The following CSMD1 variants were observed in gnomAD, a reference collection of about 807,000 sequenced individuals.
CSMD1 encodes CUB and sushi domain-containing protein 1.
CSMD1 carries 213 observed loss-of-function variants against 417.5 expected under a neutral mutation model. That is an observed-to-expected ratio of 0.51 (90% CI 0.46 to 0.57). The LOEUF is 0.57. Ranked by LOEUF, CSMD1 falls within the 20% of genes least tolerant of loss-of-function variation. The pLI is 0.00. For missense variants in CSMD1, 6,923 were observed against 4,529.7 expected (o/e 1.53, Z -15.17); for synonymous variants, 2,862 against 1,736.8 (o/e 1.65, Z -16.11).
At position 4,071,343 on chromosome 8, in the gene CSMD1, C is replaced by T. The variant is rs2552123; in HGVS notation, c.416-39244G>A. Among the ~76,000 whole-genome samples, 1,159 of 152,210 alleles carry T rather than the reference C, an allele frequency of 7.6e-3. 13 individuals carry two copies. The highest frequency in any genetic ancestry group is 0.027 in the African/African-American group (1,115 of 41,530). On this transcript the variant is annotated intron_variant, in intron 3 of 69. Transcript: ENST00000635120. ...TTTCCATTGGACTAACATCATCAAGCTCCCTAACTCTTATGTCATTTTGTA... is the reference window on the plus strand; with the variant it reads ...TTTCCATTGGACTAACATCATCAAGTTCCCTAACTCTTATGTCATTTTGTA...
At chr8:4,083,868 G>A (rs1013521220) in intron 3 of CSMD1, among the ~76,000 whole-genome samples, 1 of 152,136 alleles carries the variant, frequency 6.6e-6, no homozygotes, top group South Asian at 2.1e-4. Flanking sequence ...AAGAGCTTCT[G>A]CACAGCAAAA....
At chr8:4,183,292 A>G (rs1173448391) in intron 3 of CSMD1, among the ~76,000 whole-genome samples, 1 of 152,190 alleles carries the variant, frequency 6.6e-6, no homozygotes, top group Non-Finnish European at 1.5e-5. Flanking sequence ...TATTTACACT[A>G]CAGAATCAGC....
intron 12 of CSMD1, among the ~76,000 whole-genome samples, chr8:3,447,153 C>T (rs915710541): frequency 2.0e-5 from 3 of 152,078 alleles, no homozygotes; most frequent in Admixed American, 6.6e-5. Context: ...CAAAGAGCCA[C>T]GGGCACTGAT....
At chr8:4,274,322 AG>A (rs1012896102) in intron 3 of CSMD1, among the ~76,000 whole-genome samples, 1 of 152,148 alleles carries the variant, frequency 6.6e-6, no homozygotes, top group African/African-American at 2.4e-5. Flanking sequence ...ATACGTGGGG[AG>A]GAAAAACACA....
At chr8:4,004,671 T>C (rs1381148786) in intron 4 of CSMD1, among the ~76,000 whole-genome samples, 2 of 152,194 alleles carry the variant, frequency 1.3e-5, no homozygotes, top group African/African-American at 4.8e-5. Flanking sequence ...AGTCACTTTC[T>C]TAAAAAGATT....
chr8:4,330,013 G>A lies in CSMD1; in HGVS notation c.415+89940C>T, dbSNP rs151321609. Among the ~76,000 whole-genome samples the A allele has an allele frequency of 5.3e-3, 807 of 152,210 alleles. 6 individuals carry two copies. The highest frequency in any genetic ancestry group is 0.019 in the African/African-American group (781 of 41,538). On this transcript the variant is annotated intron_variant, in intron 3 of 69. Coordinates refer to ENST00000635120, the MANE Select transcript of CSMD1 (RefSeq NM_033225.6). ...ATGCCAGCACCATGCTTCCTGTACA[G>A]CATGCAGAACTGTGAGCCAATTAAA... is the stretch of plus-strand genomic sequence containing the variant.
chr8:3,319,647 T>A (rs541368933), intron 23 of CSMD1, among the ~76,000 whole-genome samples: 1 of 152,306 alleles, frequency 6.6e-6, no homozygotes, highest in East Asian at 1.9e-4. Context: ...ATATGATTAT[T>A]TTTAAAGATG....
At chr8:4,053,922 G>T (rs974110566) in intron 3 of CSMD1, among the ~76,000 whole-genome samples, 3 of 152,152 alleles carry the variant, frequency 2.0e-5, no homozygotes, top group African/African-American at 2.4e-5. Flanking sequence ...AAATAAAAAT[G>T]TATTTACTTA....
intron 3 of CSMD1, among the ~76,000 whole-genome samples, chr8:4,297,770 G>A (rs180718286): frequency 1.1e-4 from 17 of 152,268 alleles, no homozygotes; most frequent in Admixed American, 8.5e-4. Flanking sequence ...AACATCCTGT[G>A]AGAGGTGATA....
intron 21 of CSMD1, among the ~76,000 whole-genome samples, chr8:3,348,688 C>G (rs1808180835): frequency 6.6e-6 from 1 of 152,210 alleles, no homozygotes; most frequent in African/African-American, 2.4e-5. Context: ...AATGCCTCAG[C>G]ATTATGTCTT....
intron 3 of CSMD1, among the ~76,000 whole-genome samples, chr8:4,365,612 A>G (rs571385403): frequency 1.3e-5 from 2 of 152,232 alleles, no homozygotes; most frequent in South Asian, 2.1e-4. Context: ...TTTGTACTTG[A>G]TTTGTTTACT....
chr8:4,579,770 A>T (rs1358527673), intron 2 of CSMD1, among the ~76,000 whole-genome samples: 2 of 152,010 alleles, frequency 1.3e-5, no homozygotes, highest in Non-Finnish European at 2.9e-5. Context: ...TTACAGGTGA[A>T]TTTCCAATTT....
At chr8:3,456,698 G>C (rs1160365100) in intron 12 of CSMD1, among the ~76,000 whole-genome samples, 1 of 152,108 alleles carries the variant, frequency 6.6e-6, no homozygotes, top group African/African-American at 2.4e-5. Flanking sequence ...CCAGGAATGA[G>C]CTTCCCATAA....
chr8:4,500,848 T>C lies in CSMD1; in HGVS notation c.303-80783A>G, dbSNP rs186696464. The stretch of plus-strand genomic sequence containing the variant: ...AGAGGTCCATTGCCTGGAGGATTTC[T>C]ATTTATCTGTCTCTGGCGTAACCTT... On this transcript the variant is annotated intron_variant, in intron 2 of 69. Transcript: ENST00000635120. Among the ~76,000 whole-genome samples, 406 of 152,298 alleles carry C rather than the reference T, an allele frequency of 2.7e-3. 3 individuals are homozygous for C. Among genetic ancestry groups the C allele is most frequent in the African/African-American group, 9.5e-3 (393 of 41,570 alleles).
intron 2 of CSMD1, among the ~76,000 whole-genome samples, chr8:4,446,280 G>C (rs955100350): frequency 6.6e-6 from 1 of 152,178 alleles, no homozygotes; most frequent in South Asian, 2.1e-4. Context: ...GGGAGTGGTG[G>C]CTCATGCCCG....
chr8:4,216,135 A>G (rs1800653734), intron 3 of CSMD1, among the ~76,000 whole-genome samples: 1 of 151,892 alleles, frequency 6.6e-6, no homozygotes, highest in Admixed American at 6.6e-5. Flanking sequence ...TGCCTTTTTT[A>G]TGTAATCCCA....
chr8:4,376,301 T>A (rs770632580), intron 3 of CSMD1, among the ~76,000 whole-genome samples: 3 of 152,202 alleles, frequency 2.0e-5, no homozygotes, highest in Admixed American at 6.5e-5. Flanking sequence ...GTAGAAAATT[T>A]AGAAAGTCAG....
At chr8:4,166,205 A>G (rs989552096) in intron 3 of CSMD1, among the ~76,000 whole-genome samples, 17 of 152,206 alleles carry the variant, frequency 1.1e-4, no homozygotes, top group Non-Finnish European at 2.5e-4. Context: ...AGTCAGTTTT[A>G]TGACATATTT....
At chr8:3,555,731 C>T (rs1215574295) in intron 10 of CSMD1, among the ~76,000 whole-genome samples, 1 of 152,104 alleles carries the variant, frequency 6.6e-6, no homozygotes, top group African/African-American at 2.4e-5. Flanking sequence ...GTTTTCTGTT[C>T]ATTTCCCATT....
Sources: gnomAD v4.1 joint callset for allele counts (sites outside exome capture counted in the v4.1 genomes callset) on GRCh38, gnomAD v4.1.1 for gene constraint, MANE v1.5 for transcripts, NCBI Gene and HGNC (gene_info 2026-07-23, HGNC 2026-07-21) for gene names.